CUL1: variants seen among roughly 807,000 people sequenced by gnomAD.
The protein encoded by CUL1 is cullin 1, also known as cullin-1.
CUL1 carries 24 observed loss-of-function variants against 118.0 expected under a neutral mutation model. The observed-to-expected ratio is 0.20, with a 90% CI of 0.15 to 0.29. The LOEUF is 0.29. Ranked by LOEUF, CUL1 falls within the 10% of genes least tolerant of loss-of-function variation. The pLI, the probability that CUL1 is intolerant of heterozygous loss-of-function variation, is 1.00. For synonymous variants in CUL1, 332 were observed against 340.4 expected (o/e 0.98, Z 0.27); for missense variants, 361 against 933.8 (o/e 0.39, Z 7.99).
At chr7:148,785,747 G>C (rs1456338572) in intron 11 of CUL1, among the ~76,000 whole-genome samples, 1 of 152,102 alleles carries the variant, frequency 6.6e-6, no homozygotes. Context: ...GATGCAGACA[G>C]AATGGCAGAG....
At chr7:148,698,496 T>G, upstream of CUL1, 1 of 150,876 alleles carries the variant, frequency 6.6e-6, no homozygotes, top group Non-Finnish European at 1.5e-5. Flanking sequence ...GCGCGCCGGG[T>G]CGGGGATGTC....
intron 4 of CUL1, among the ~76,000 whole-genome samples, chr7:148,758,727 A>G (rs925922236): frequency 2.0e-5 from 3 of 152,222 alleles, no homozygotes; most frequent in African/African-American, 4.8e-5. Flanking sequence ...ATACTTTGCT[A>G]TGTAGTTAAT....
At chr7:148,756,479 G>C (rs375801356) in intron 3 of CUL1, among the ~76,000 whole-genome samples, 9 of 152,112 alleles carry the variant, frequency 5.9e-5, no homozygotes, top group African/African-American at 2.2e-4. Context: ...GGGACTACAG[G>C]CATGTGCCAC....
chr7:148,789,655 CA>C, intron 14 of CUL1, 94 bp from the exon 15 acceptor site: 1 of 871,344 alleles, frequency 1.1e-6, no homozygotes, highest in Non-Finnish European at 1.9e-6. Context: ...TAATAAAGAG[CA>C]ATCCACATTC....
chr7:148,798,267 G>A (rs1435072259), intron 19 of CUL1, among the ~76,000 whole-genome samples: 1 of 152,174 alleles, frequency 6.6e-6, no homozygotes, highest in Non-Finnish European at 1.5e-5. Flanking sequence ...CACCAAGAAA[G>A]TTTGGACCTT....
At chr7:148,737,576 ATATTTATT>A (rs200912415) in intron 2 of CUL1, among the ~76,000 whole-genome samples, 152 of 127,002 alleles carry the variant, frequency 1.2e-3, no homozygotes, top group East Asian at 7.7e-3. Context: ...ATATATTTTT[ATATTTATT>A]TATTTATTTA....
At chr7:148,712,835 C>T (rs1033457270) in intron 1 of CUL1, among the ~76,000 whole-genome samples, 2 of 152,210 alleles carry the variant, frequency 1.3e-5, no homozygotes, top group African/African-American at 2.4e-5. Flanking sequence ...AGACATCCCA[C>T]GCATTTCCAT....
At position 148,743,626 on chromosome 7, in the gene CUL1, A is replaced by G. The variant is rs527355091; in HGVS notation, c.141-10350A>G. ...GTCAAATTTTCATATATTTTAAGCC[A>G]GGTGTGGTGGCTCACATCTGTAATC... On this transcript the variant is annotated intron_variant, in intron 2 of 21. Transcript: ENST00000325222. 5.3e-5 allele frequency among the ~76,000 whole-genome samples: 8 copies of G among 152,294 alleles called. No homozygotes were observed. In the South Asian group the frequency reaches 1.7e-3, roughly 32 times the overall value.
chr7:148,799,746 C>T (rs1801326105), intron 21 of CUL1, among the ~76,000 whole-genome samples: 1 of 151,332 alleles, frequency 6.6e-6, no homozygotes, highest in African/African-American at 2.4e-5. Flanking sequence ...CCTGCTTTTG[C>T]GTGATACATA....
intron 3 of CUL1, among the ~76,000 whole-genome samples, chr7:148,756,374 C>T (rs557481830): frequency 2.6e-5 from 4 of 151,868 alleles, no homozygotes; most frequent in African/African-American, 4.8e-5. Flanking sequence ...CTTGCTCTGT[C>T]GCCCAGGCTA....
intron 2 of CUL1, among the ~76,000 whole-genome samples, chr7:148,753,549 A>T (rs144760698): frequency 1.6e-3 from 244 of 152,384 alleles, no homozygotes; most frequent in African/African-American, 5.5e-3. Context: ...TGTTATTTCA[A>T]TATTTAGAAT....
intron 17 of CUL1, among the ~76,000 whole-genome samples, chr7:148,793,821 C>A (rs4726994): frequency 0.077 from 11,663 of 152,198 alleles, 534 homozygotes; most frequent in African/African-American, 0.11. Flanking sequence ...GAGGCACTGC[C>A]AGACTGTTCC....
chr7:148,703,831 G>A (rs1401053424), intron 1 of CUL1, among the ~76,000 whole-genome samples: 1 of 152,030 alleles, frequency 6.6e-6, no homozygotes, highest in Non-Finnish European at 1.5e-5. Context: ...GCGCCCGGCC[G>A]TGAGGATATT....
Position 148,725,247 on chromosome 7 carries a change from A to ACACACACACACACC in CUL1, c.-161-4714_-161-4713insACACACACACACCC, listed in dbSNP as rs1249684580. Among the ~76,000 whole-genome samples the ACACACACACACACC allele has an allele frequency of 6.5e-4, 98 of 151,046 alleles. 2 individuals are homozygous for ACACACACACACACC. In the South Asian group the frequency reaches 9.1e-3, roughly 14 times the overall value. On this transcript the variant is annotated intron_variant, in intron 1 of 21. Coordinates refer to ENST00000325222, the MANE Select transcript of CUL1 (RefSeq NM_003592.3). ...CACACACACACACACACACACACAC[A>ACACACACACACACC]CCCGTACCCCTCTAAACTGGAAAAC... is the stretch of plus-strand genomic sequence containing the variant.
chr7:148,726,105 T>C (rs1051520844), intron 1 of CUL1, among the ~76,000 whole-genome samples: 5 of 152,204 alleles, frequency 3.3e-5, no homozygotes, highest in African/African-American at 1.2e-4. Context: ...GAGTGTGACA[T>C]GAAAAGTTGT....
Position 148,703,618 on chromosome 7 carries a change from C to T in CUL1, c.-162+4589C>T, listed in dbSNP as rs182049278. ...CGTGATCTCGGCTCACTGCAACCTC[C>T]GCCTCCTGGGTTCAAGCGCTTCTCC... On this transcript the variant is annotated intron_variant, in intron 1 of 21. Transcript: ENST00000325222. 4.8e-3 allele frequency among the ~76,000 whole-genome samples: 730 copies of T among 152,072 alleles called. 1 individual carries two copies. The highest frequency in any genetic ancestry group is 7.8e-3 in the Non-Finnish European group (530 of 67,998).
At chr7:148,756,193 T>G (rs535409116) in intron 3 of CUL1, among the ~76,000 whole-genome samples, 1 of 152,272 alleles carries the variant, frequency 6.6e-6, no homozygotes, top group Non-Finnish European at 1.5e-5. Flanking sequence ...TATACTATTG[T>G]ACTTACCTTA....
At position 148,730,101 on chromosome 7, in the gene CUL1, C is replaced by T. The variant is rs536123297; in HGVS notation, c.-22C>T. The T allele has an allele frequency of 1.5e-4, 236 of 1,607,248 alleles. No individual in the cohort carries two copies. Among genetic ancestry groups the T allele is most frequent in the Admixed American group, 2.2e-4 (13 of 59,008 alleles). On this transcript the variant is annotated 5_prime_UTR_variant, in exon 2 of 22. The change creates a new upstream start codon in the 5' untranslated region. Transcript: ENST00000325222. ...TTTGAATAAGGATTGCTGCACTGGA[C>T]GACTTTAGAACATCCCTCACAATGT...
intron 9 of CUL1, among the ~76,000 whole-genome samples, chr7:148,768,550 A>C (rs1264021754): frequency 4.0e-5 from 6 of 151,752 alleles, no homozygotes; most frequent in Admixed American, 1.3e-4. Flanking sequence ...ATTCCCGGCT[A>C]ATTTTTGTAT....
Sources: gnomAD v4.1 joint callset for allele counts (sites outside exome capture counted in the v4.1 genomes callset) on GRCh38, gnomAD v4.1.1 for gene constraint, MANE v1.5 for transcripts, NCBI Gene and HGNC (gene_info 2026-07-23, HGNC 2026-07-21) for gene names.